The following DYNC1H1 variants were observed in gnomAD, a reference collection of about 807,000 sequenced individuals.
DYNC1H1 encodes the protein dynein cytoplasmic 1 heavy chain 1, also known as cytoplasmic dynein 1 heavy chain 1.
A neutral mutation model predicts 527.1 loss-of-function variants in DYNC1H1; 51 were observed. That is an observed-to-expected ratio of 0.10 (90% CI 0.08 to 0.12). The LOEUF is 0.12. DYNC1H1 is among the 10% of genes least tolerant of loss of function. DYNC1H1 has a pLI of 1.00. For missense variants in DYNC1H1, 2,771 were observed against 5,971.8 expected (o/e 0.46, Z 17.66); for synonymous variants, 2,189 against 2,278.8 (o/e 0.96, Z 1.12).
At chr14:102,014,234 T>A (rs1011322531) in intron 34 of DYNC1H1, among the ~76,000 whole-genome samples, 13 of 152,192 alleles carry the variant, frequency 8.5e-5, no homozygotes, top group African/African-American at 2.9e-4. Flanking sequence ...ACCTGCGCCA[T>A]CTTTAAACTG....
Position 102,018,312 on chromosome 14 carries a change from C to A in DYNC1H1, c.8178-139C>A. On this transcript the variant is annotated intron_variant, in intron 40 of 77. Coordinates refer to ENST00000360184, the MANE Select transcript of DYNC1H1 (RefSeq NM_001376.5). The surrounding 1 kb of genome is among the most constrained non-coding windows in gnomAD (Gnocchi z 5.2). The stretch of plus-strand genomic sequence containing the variant: ...GCAGCGTGTGTGTGATCTCAGCTAA[C>A]ACTGATGTCAAGTCTGCATAGCTGG... 1 of 1,207,796 alleles carries A rather than the reference C, an allele frequency of 8.3e-7. No homozygotes were observed. The highest frequency in any genetic ancestry group is 1.2e-6 in the Non-Finnish European group (1 of 861,982). The allele number at this position is 1,207,796 out of a possible 1,614,324, so 74.8% of individuals were successfully genotyped here.
At position 101,965,105 on chromosome 14, in the gene DYNC1H1, C is replaced by T. The variant is rs2047650315; in HGVS notation, c.256+158C>T. 2.0e-5 allele frequency among the ~76,000 whole-genome samples: 3 copies of T among 151,862 alleles called. No individual in the cohort carries two copies. The highest frequency in any genetic ancestry group is 2.0e-4 in the Admixed American group (3 of 15,254). ...GAGCCCGGCGGCCGCAGACGTCCCG[C>T]CGGCCGGGTCCCCAGGGCCGCAGAC... is the stretch of plus-strand genomic sequence containing the variant. On this transcript the variant is annotated intron_variant, in intron 1 of 77. Coordinates refer to ENST00000360184, the MANE Select transcript of DYNC1H1 (RefSeq NM_001376.5). The surrounding 1 kb of genome is among the most constrained non-coding windows in gnomAD (Gnocchi z 4.1).
rs779121868 is a variant in DYNC1H1, at chr14:101,995,340, G to A, written c.3564+40G>A. 18 of 1,612,266 alleles carry A rather than the reference G, an allele frequency of 1.1e-5. No individual in the cohort carries two copies. In the East Asian group the frequency reaches 3.6e-4, roughly 32 times the overall value. On this transcript the variant is annotated intron_variant, in intron 15 of 77. Coordinates refer to ENST00000360184, the MANE Select transcript of DYNC1H1 (RefSeq NM_001376.5). ...TATTTAAAAATTTTTGGCTGGGCGT[G>A]GTGGCTCACGCCTGTAATCCCAGCA...
Position 102,036,538 on chromosome 14 carries a change from A to C in DYNC1H1, c.10804A>C (p.Asn3602His). The part of the protein sequence containing the change: ...PSGQATEFIM[N>H]EYKDRKITRT... ...TGGACAGGCCACAGAATTCATTATG[A>C]ATGAATATAAGGATCGTAAGATCAC... The change falls in exon 57 of 78, where the codon AAT (asparagine) becomes CAT (histidine). Residue 3602 changes from asparagine (N) to histidine (H), a missense_variant. Transcript: ENST00000360184. This position sits in a 1 kb window ranked among gnomAD's most constrained non-coding sequence, Gnocchi z 5.6. The C allele has an allele frequency of 6.2e-7, 1 of 1,614,116 alleles. No homozygotes were observed. The highest frequency in any genetic ancestry group is 8.5e-7 in the Non-Finnish European group (1 of 1,180,010).
rs2048321459 is a variant in DYNC1H1 at position 102,016,258 on chromosome 14, A to G, written c.7474-91A>G. On this transcript the variant is annotated intron_variant, in intron 36 of 77. Coordinates refer to ENST00000360184, the MANE Select transcript of DYNC1H1 (RefSeq NM_001376.5). This position sits in a 1 kb window ranked among gnomAD's most constrained non-coding sequence, Gnocchi z 7.3. ...GTGTCTGTGATGCAAGAAGACTGGG[A>G]ACCACTGTCTTTAGGTTAACTTTGC... is the stretch of plus-strand genomic sequence containing the variant. The G allele has an allele frequency of 6.4e-7, 1 of 1,552,894 alleles. No individual in the cohort carries two copies. Among genetic ancestry groups the G allele is most frequent in the African/African-American group, 1.4e-5 (1 of 72,988 alleles).
chr14:101,984,445 A>ATTTTTTTTTTTT (rs1444213016), intron 7 of DYNC1H1, among the ~76,000 whole-genome samples: 1 of 92,874 alleles, frequency 1.1e-5, no homozygotes, highest in African/African-American at 5.8e-5. Context: ...ATATATATAT[A>ATTTTTTTTTTTT]TTATATTTTT....
chr14:102,004,450 A>T, intron 23 of DYNC1H1, 68 bp from the exon 24 acceptor site: 1 of 1,516,190 alleles, frequency 6.6e-7, no homozygotes, highest in Non-Finnish European at 8.9e-7. Context: ...GCAGTTTGAA[A>T]TCTTACCTTG....
Position 101,986,860 on chromosome 14 carries a change from A to G in DYNC1H1, c.2538+97A>G, listed in dbSNP as rs1302595707. 7.1e-7 allele frequency: 1 copy of G among 1,400,382 alleles called. No homozygotes were observed. Among genetic ancestry groups the G allele is most frequent in the Non-Finnish European group, 1.0e-6 (1 of 990,712 alleles). 86.7% of individuals were successfully genotyped at this position (1,400,382 alleles called of 1,614,324 possible). On this transcript the variant is annotated intron_variant, in intron 8 of 77. Transcript: ENST00000360184. The surrounding 1 kb of genome is among the most constrained non-coding windows in gnomAD (Gnocchi z 8.7). ...ACTAGTTCTCCCGAAGAAGGCATGCATGGTTGATGCAGCATACGGCCATGT... is the reference window on the plus strand; with the variant it reads ...ACTAGTTCTCCCGAAGAAGGCATGCGTGGTTGATGCAGCATACGGCCATGT...
intron 72 of DYNC1H1, 197 bp from the exon 73 acceptor site, chr14:102,047,610 TATATATACAC>T (rs2048738067): frequency 2.5e-6 from 1 of 404,582 alleles, no homozygotes; most frequent in African/African-American, 2.4e-5. Flanking sequence ...CACATATATG[TATATATACAC>T]GTGTGTGTGT....
intron 72 of DYNC1H1, among the ~76,000 whole-genome samples, chr14:102,046,579 C>T (rs2048722550): frequency 6.6e-6 from 1 of 152,192 alleles, no homozygotes. Flanking sequence ...GGGGTAATCC[C>T]AGCCACATGG....
chr14:102,021,903 C>T (rs116247190), intron 42 of DYNC1H1, among the ~76,000 whole-genome samples: 5,473 of 152,074 alleles, frequency 0.036, 254 homozygotes, highest in African/African-American at 0.11. Flanking sequence ...TAAAGTGATC[C>T]GCCTGCCTCT....
At chr14:102,000,893 A>G (rs1398505679) in intron 18 of DYNC1H1, 61 bp from the exon 19 acceptor site, 1 of 1,494,926 alleles carries the variant, frequency 6.7e-7, no homozygotes, top group Non-Finnish European at 9.3e-7. Context: ...TTTTAAAGAA[A>G]TATTTCACCA....
Position 102,036,348 on chromosome 14 carries a change from C to A in DYNC1H1, c.10755-141C>A. ...AAGCATGTAAGCTTTATTGGTAAAC[C>A]TGAAAACGTCTCCGGAAACCACTCT... On this transcript the variant is annotated intron_variant, in intron 56 of 77. Transcript: ENST00000360184. This position sits in a 1 kb window ranked among gnomAD's most constrained non-coding sequence, Gnocchi z 5.6. The A allele has an allele frequency of 9.4e-7, 1 of 1,065,546 alleles. No individual in the cohort carries two copies. The highest frequency in any genetic ancestry group is 1.3e-5 in the South Asian group (1 of 76,466). 66.0% of individuals were successfully genotyped at this position (1,065,546 alleles called of 1,614,324 possible).
At position 101,964,799 on chromosome 14, in the gene DYNC1H1, G is replaced by T. The variant is rs369058949; in HGVS notation, c.108G>T (p.Lys36Asn). The T allele has an allele frequency of 4.4e-6, 7 of 1,603,658 alleles. No homozygotes were observed. The highest frequency in any genetic ancestry group is 5.9e-6 in the Non-Finnish European group (7 of 1,176,782). The change falls in exon 1 of 78, where the codon AAG becomes AAT. Residue 36 changes from lysine to asparagine, a missense_variant. Physicochemically the swap from Lys to Asn is moderately conservative, Grantham distance 94. Coordinates refer to ENST00000360184, the MANE Select transcript of DYNC1H1 (RefSeq NM_001376.5). This position sits in a 1 kb window ranked among gnomAD's most constrained non-coding sequence, Gnocchi z 5.5. ...CGGTGCTGCAGAAGCACCTGCGCAA[G>T]CTGGTGCCGCTGCTGCTGGAGGACG... Reference protein sequence around the residue: ...DVSVLQKHLRKLVPLLLEDGG... With the variant: ...DVSVLQKHLRNLVPLLLEDGG...
rs1437664577 is a variant in DYNC1H1, at chr14:101,991,821, TG to T, written c.3015+149del. The T allele has an allele frequency of 2.5e-6, 3 of 1,193,604 alleles. No homozygotes were observed. The African/African-American group carries it at 4.6e-5, about 18-fold the overall frequency. 73.9% of individuals were successfully genotyped at this position (1,193,604 alleles called of 1,614,324 possible). A position where few individuals can be genotyped will look rare whatever the true frequency, so the allele number is the denominator to read the frequency against. On this transcript the variant is annotated intron_variant, in intron 11 of 77. Transcript: ENST00000360184. Reference sequence around the variant, plus strand: ...CCAGGGGAAAGTTAGGGAGGCTTTTTGTGCCCTGACCTTTTTTTCCAACTAG... The same window carrying T: ...CCAGGGGAAAGTTAGGGAGGCTTTTTTGCCCTGACCTTTTTTTCCAACTAG...
In DYNC1H1 at chr14:102,005,083, G is replaced by A. The variant is rs1478629782; in HGVS notation, c.5280G>A (p.Glu1760=). Residue 1760 remains glutamate (E), a synonymous_variant, in exon 26 of 78, where the codon GAG becomes GAA. Transcript: ENST00000360184. This position sits in a 1 kb window ranked among gnomAD's most constrained non-coding sequence, Gnocchi z 4.0. ...VVLSAQIAWS[E]NVETALSSMG... is the part of the protein sequence containing the mutation. ...TGTCAGCCCAGATAGCCTGGTCTGA[G>A]AACGTGGAGACCGCACTGAGCAGCA... The A allele has an allele frequency of 6.2e-7, 1 of 1,614,232 alleles. No homozygotes were observed. The highest frequency in any genetic ancestry group is 1.7e-5 in the Admixed American group (1 of 60,024).
rs995130386 is a variant in DYNC1H1 at position 102,015,987 on chromosome 14, C to G, written c.7374C>G (p.Leu2458=). The G allele has an allele frequency of 2.5e-6, 4 of 1,613,802 alleles. No homozygotes were observed. Among genetic ancestry groups the G allele is most frequent in the African/African-American group, 1.3e-5 (1 of 74,950 alleles). Residue 2458 remains leucine, a synonymous_variant, in exon 36 of 78, where the codon CTC becomes CTG. Coordinates refer to ENST00000360184, the MANE Select transcript of DYNC1H1 (RefSeq NM_001376.5). The surrounding 1 kb of genome is among the most constrained non-coding windows in gnomAD (Gnocchi z 6.9). ...CACGCCTGCGCTGCCTGGGCTCGCT[C>G]TTCTCCATGCTGCACCAGGCCTGCC... ...DLTRLRCLGS[L]FSMLHQACRN...
rs11544085 is a variant in DYNC1H1, at chr14:102,040,320, G to A, written c.11775G>A (p.Gln3925=). The A allele has an allele frequency of 1.2e-6, 2 of 1,614,186 alleles. No homozygotes were observed. The highest frequency in any genetic ancestry group is 1.7e-6 in the Non-Finnish European group (2 of 1,180,036). Residue 3925 remains glutamine, a synonymous_variant, in exon 63 of 78, where the codon CAG becomes CAA. Transcript: ENST00000360184. ...VLSAGSTPRI[Q]GLTVEQAEAV... ...GTGCTGGCTCCACCCCCAGGATCCA[G>A]GGCCTGACTGTGGAGCAGGCGGAGG...
In DYNC1H1 at chr14:102,016,649, A is replaced by G. The variant is rs1345413262; in HGVS notation, c.7615-117A>G. On this transcript the variant is annotated intron_variant, in intron 37 of 77. Coordinates refer to ENST00000360184, the MANE Select transcript of DYNC1H1 (RefSeq NM_001376.5). This position sits in a 1 kb window ranked among gnomAD's most constrained non-coding sequence, Gnocchi z 7.3. ...TTCCATGTGTTAGCAAAGAGTGCAG[A>G]TTAACCTGACCAATTACTTCCTTGT... 3 of 1,540,436 alleles carry G rather than the reference A, an allele frequency of 1.9e-6. No homozygotes were observed. Among genetic ancestry groups the G allele is most frequent in the Non-Finnish European group, 2.7e-6 (3 of 1,127,240 alleles).
Sources: gnomAD v4.1 joint callset for allele counts (sites outside exome capture counted in the v4.1 genomes callset) on GRCh38, gnomAD v4.1.1 for gene constraint, Gnocchi (gnomAD v3.1) non-coding constraint, MANE v1.5 for transcripts, NCBI Gene and HGNC (gene_info 2026-07-23, HGNC 2026-07-21) for gene names.